The following SFXN5 variants were observed in gnomAD, a reference collection of about 807,000 sequenced individuals.
SFXN5 encodes sideroflexin-5.
Under a neutral mutation model 50.2 loss-of-function variants are expected in SFXN5, and 43 were observed. The observed-to-expected ratio is 0.86, with a 90% confidence interval of 0.67 to 1.11. The LOEUF (loss-of-function observed/expected upper bound fraction) is 1.11, where lower values mean the gene tolerates loss of function less well. Among genes scored for constraint, SFXN5 ranks in the 50% least tolerant of loss-of-function variants. The pLI is 0.00. For missense variants in SFXN5, 463 were observed against 454.1 expected, an observed-to-expected ratio of 1.02 and a Z score of -0.18; for synonymous variants, 203 against 185.8, an observed-to-expected ratio of 1.09 and a Z score of -0.75.
At chr2:73,059,110 T>C (rs1574265379) in intron 1 of SFXN5, 2 of 979,132 alleles carry the variant, frequency 2.0e-6, no homozygotes, top group Non-Finnish European at 2.4e-6. Flanking sequence ...CAGGCCCTCC[T>C]TCACCCACAG....
intron 1 of SFXN5, among the ~76,000 whole-genome samples, chr2:73,069,141 T>C (rs1040989674): frequency 4.6e-5 from 7 of 151,908 alleles, no homozygotes; most frequent in African/African-American, 1.5e-4. Context: ...GGGGAAGCCA[T>C]TGGAGGGTAT....
chr2:73,071,692 G>C lies in SFXN5; in HGVS notation c.14C>G (p.Ala5Gly). 18 of 1,612,742 alleles carry C rather than the reference G, an allele frequency of 1.1e-5. No individual in the cohort carries two copies. In the Middle Eastern group the frequency reaches 2.5e-3, roughly 222 times the overall value. ...AGCCGCCGCCGCCGATGCTGTAGTC[G>C]CTGTATCCGCCATGGCCACTGACGC... is the stretch of plus-strand genomic sequence containing the variant. MADT[A>G]TTASAAAASA... The change falls in exon 1 of 14, where the codon GCG becomes GGG. Residue 5 changes from alanine (A) to glycine (G), a missense_variant. Transcript: ENST00000272433.
rs1683636010 is a variant in SFXN5, at chr2:73,071,639, G to A, written c.67C>T (p.Pro23Ser). ...CGGGGTTTGCCCAGTTGGAAAGGAGGTGCATCGCTCGAGGCGCTAGCGGCA... is the reference window on the plus strand; with the variant it reads ...CGGGGTTTGCCCAGTTGGAAAGGAGATGCATCGCTCGAGGCGCTAGCGGCA... ...ASAASASSDAPPFQLGKPRFQ... is the reference protein window; with the variant it reads ...ASAASASSDASPFQLGKPRFQ... The change falls in exon 1 of 14, where the codon CCT becomes TCT. Residue 23 changes from proline (P) to serine (S), a missense_variant. Transcript: ENST00000272433. 1 of 1,613,798 alleles carries A rather than the reference G, an allele frequency of 6.2e-7. No homozygotes were observed. The highest frequency in any genetic ancestry group is 8.5e-7 in the Non-Finnish European group (1 of 1,179,926).
chr2:72,999,135 G>A, intron 8 of SFXN5, 121 bp from the exon 9 acceptor site: 5 of 1,001,402 alleles, frequency 5.0e-6, no homozygotes, highest in Non-Finnish European at 7.7e-6. Context: ...TGGGTAGAAG[G>A]AAGAGGCCCC....
At chr2:73,005,295 G>T (rs1404777350) in intron 6 of SFXN5, among the ~76,000 whole-genome samples, 1 of 152,218 alleles carries the variant, frequency 6.6e-6, no homozygotes, top group African/African-American at 2.4e-5. Flanking sequence ...CCCCCTGGCA[G>T]CTGTGCTCTC....
rs1574096413 is a variant in SFXN5, at chr2:73,006,627, T to C, written c.358-5049A>G. On this transcript the variant is annotated intron_variant, in intron 6 of 13. Coordinates refer to ENST00000272433, the MANE Select transcript of SFXN5 (RefSeq NM_144579.3). ...ACAGAGCCCAAAGAGCGAGATTATC[T>C]CAAAAAAAAAAAAAATGCTCACGTA... is the stretch of plus-strand genomic sequence containing the variant. 2.2e-5 allele frequency among the ~76,000 whole-genome samples: 3 copies of C among 136,674 alleles called. No individual in the cohort carries two copies. The South Asian group carries it at 7.6e-4, about 35-fold the overall frequency. 89.7% of individuals were successfully genotyped at this position (136,674 alleles called of 152,430 possible). A position where few individuals can be genotyped will look rare whatever the true frequency, so the allele number is the denominator to read the frequency against.
intron 3 of SFXN5, among the ~76,000 whole-genome samples, chr2:73,025,851 T>C (rs1677480142): frequency 6.6e-6 from 1 of 152,178 alleles, no homozygotes; most frequent in Non-Finnish European, 1.5e-5. Context: ...ATCCAGGTGA[T>C]GGAGGTTTAT....
chr2:72,946,100 G>T (rs1371812930), intron 13 of SFXN5, among the ~76,000 whole-genome samples: 1 of 138,900 alleles, frequency 7.2e-6, no homozygotes, highest in African/African-American at 2.7e-5. Context: ...TCCCCTCGCA[G>T]GACAGGACCC....
Position 72,961,664 on chromosome 2 carries a change from G to C in SFXN5, c.828-416C>G, listed in dbSNP as rs1673766680. Among the ~76,000 whole-genome samples the C allele has an allele frequency of 6.6e-6, 1 of 152,210 alleles. No individual in the cohort carries two copies. The highest frequency in any genetic ancestry group is 6.5e-5 in the Admixed American group (1 of 15,284). ...CTCGAGGGCAGCACGTAATTAAACA[G>C]CAAAGAAACCAGAGTAGGTGCCAAG... On this transcript the variant is annotated intron_variant, in intron 12 of 13. Coordinates refer to ENST00000272433, the MANE Select transcript of SFXN5 (RefSeq NM_144579.3). This position sits in a 1 kb window ranked among gnomAD's most constrained non-coding sequence, Gnocchi z 4.4.
At chr2:73,038,791 A>T (rs947380148) in intron 3 of SFXN5, among the ~76,000 whole-genome samples, 2 of 152,146 alleles carry the variant, frequency 1.3e-5, no homozygotes, top group East Asian at 3.8e-4. Flanking sequence ...TAAGTTTTCT[A>T]TTTTAAAACT....
intron 2 of SFXN5, chr2:73,042,356 T>G (rs889793921): frequency 1.3e-5 from 2 of 152,242 alleles, no homozygotes; most frequent in African/African-American, 4.8e-5. Flanking sequence ...GGCTCATGCC[T>G]GTAATCCCAG....
chr2:73,035,749 C>T (rs1007073469), intron 3 of SFXN5, among the ~76,000 whole-genome samples: 1 of 152,136 alleles, frequency 6.6e-6, no homozygotes, highest in African/African-American at 2.4e-5. Flanking sequence ...ATCCACCTGT[C>T]TTGGCCTCCC....
Position 73,059,647 on chromosome 2 carries a change from AACCCCT to A in SFXN5, c.103-1057_103-1052del, listed in dbSNP as rs1258733832. 64 of 897,492 alleles carry A rather than the reference AACCCCT, an allele frequency of 7.1e-5. 2 individuals carry two copies. The East Asian group carries it at 8.6e-4, about 12-fold the overall frequency. The allele number at this position is 897,492 out of a possible 1,614,324, so 55.6% of individuals were successfully genotyped here. ...GGCACCCCTGCATGAAGCAACCTCTAACCCCTAATGCCACCCCTACCCAGGTGCTGT... is the reference window on the plus strand; with the variant it reads ...GGCACCCCTGCATGAAGCAACCTCTAAATGCCACCCCTACCCAGGTGCTGT... On this transcript the variant is annotated intron_variant, in intron 1 of 13. Coordinates refer to ENST00000272433, the MANE Select transcript of SFXN5 (RefSeq NM_144579.3).
At chr2:72,967,644 C>T (rs1002795494) in intron 12 of SFXN5, among the ~76,000 whole-genome samples, 3 of 152,178 alleles carry the variant, frequency 2.0e-5, no homozygotes, top group Non-Finnish European at 4.4e-5. Flanking sequence ...TTATACCACA[C>T]GCCCCCAATT....
chr2:73,057,523 C>T (rs1326447925), intron 2 of SFXN5, among the ~76,000 whole-genome samples: 1 of 152,040 alleles, frequency 6.6e-6, no homozygotes, highest in Admixed American at 6.5e-5. Flanking sequence ...CTGGAAACAG[C>T]AAAACAACAG....
chr2:73,017,224 GAGA>G (rs1305384369), intron 6 of SFXN5, among the ~76,000 whole-genome samples: 2 of 152,180 alleles, frequency 1.3e-5, no homozygotes, highest in African/African-American at 2.4e-5. Context: ...AAATAAGAAG[GAGA>G]AGTTGTTTAC....
chr2:72,951,675 C>T (rs1423948728), intron 13 of SFXN5, among the ~76,000 whole-genome samples: 1 of 123,972 alleles, frequency 8.1e-6, no homozygotes, highest in Non-Finnish European at 1.6e-5. Flanking sequence ...TCCTGCTGGC[C>T]TTTCTTCTGA....
intron 10 of SFXN5, among the ~76,000 whole-genome samples, chr2:72,984,670 A>T (rs1195833702): frequency 6.6e-6 from 1 of 152,190 alleles, no homozygotes; most frequent in African/African-American, 2.4e-5. Flanking sequence ...TTGCTAGGGA[A>T]TATGAGGGGA....
At chr2:73,061,694 G>T (rs1682819975) in intron 1 of SFXN5, among the ~76,000 whole-genome samples, 1 of 152,096 alleles carries the variant, frequency 6.6e-6, no homozygotes, top group Non-Finnish European at 1.5e-5. Context: ...TGCTAATAGA[G>T]ATTGCCTCTG....
Sources: allele counts gnomAD v4.1 joint callset (sites outside exome capture counted in the v4.1 genomes callset), GRCh38; gene constraint gnomAD v4.1.1; non-coding constraint Gnocchi (gnomAD v3.1); transcripts MANE v1.5; gene names NCBI Gene and HGNC (gene_info 2026-07-23, HGNC 2026-07-21).